Variants in POLR3A observed in about 807,000 individuals in gnomAD.
POLR3A encodes the protein RNA polymerase III subunit A.
In POLR3A, 112 loss-of-function variants were observed where a neutral mutation model predicts 152.8. That is an observed-to-expected ratio of 0.73 (90% CI 0.63 to 0.86). The LOEUF (loss-of-function observed/expected upper bound fraction) is 0.86, where lower values mean the gene tolerates loss of function less well. Ranked by LOEUF, POLR3A falls within the 40% of genes least tolerant of loss-of-function variation. POLR3A has a pLI of 0.00. For missense variants in POLR3A, 1,385 were observed against 1,743.1 expected (o/e 0.79, Z 3.66); for synonymous variants, 615 against 652.1 (o/e 0.94, Z 0.87).
chr10:77,987,475 A>G (rs1428282949), intron 21 of POLR3A, among the ~76,000 whole-genome samples: 1 of 152,056 alleles, frequency 6.6e-6, no homozygotes, highest in Non-Finnish European at 1.5e-5. Context: ...GGTGGCCGAG[A>G]AGCCTCATGA....
chr10:77,984,325 ACTAGCAC>A (rs1847177197), intron 24 of POLR3A, 27 bp from the exon 25 acceptor site: 1 of 1,383,118 alleles, frequency 7.2e-7, no homozygotes, highest in Admixed American at 1.7e-5. Flanking sequence ...GAAAAATGGC[ACTAGCAC>A]AAGGGAGGAG....
In POLR3A at chr10:77,985,992, G is replaced by A; in HGVS notation, c.2989-7C>T. The stretch of plus-strand genomic sequence containing the variant: ...GCTGGTACAGCACACGGGGCTGGGA[G>A]AATACAAGCCAAGCACAGAGTTAGG... On this transcript the variant is annotated splice_region_variant and splice_polypyrimidine_tract_variant and intron_variant, in intron 22 of 30. Coordinates refer to ENST00000372371, the MANE Select transcript of POLR3A (RefSeq NM_007055.4). 1 of 1,613,600 alleles carries A rather than the reference G, an allele frequency of 6.2e-7. No homozygotes were observed. Among genetic ancestry groups the A allele is most frequent in the Non-Finnish European group, 8.5e-7 (1 of 1,179,518 alleles).
At chr10:77,983,404 G>C (rs1401159305) in intron 26 of POLR3A, among the ~76,000 whole-genome samples, 1 of 152,210 alleles carries the variant, frequency 6.6e-6, no homozygotes, top group Non-Finnish European at 1.5e-5. Flanking sequence ...AGAAAGAAGA[G>C]GGTGTCGGGA....
chr10:77,985,695 C>T (rs557287851), intron 23 of POLR3A, among the ~76,000 whole-genome samples: 1 of 152,228 alleles, frequency 6.6e-6, no homozygotes, highest in African/African-American at 2.4e-5. Flanking sequence ...GGAGAAGACA[C>T]TAAGAAATTT....
intron 17 of POLR3A, among the ~76,000 whole-genome samples, chr10:78,001,557 TA>T (rs533219346): frequency 1.3e-5 from 2 of 151,386 alleles, no homozygotes; most frequent in Admixed American, 6.6e-5. Context: ...TTATCCTGTT[TA>T]AAAAAAAAGT....
chr10:78,015,346 G>T (rs1847512778), intron 10 of POLR3A, among the ~76,000 whole-genome samples: 1 of 151,782 alleles, frequency 6.6e-6, no homozygotes, highest in Non-Finnish European at 1.5e-5. Flanking sequence ...TTCTTTTTTT[G>T]AGACGGAGCT....
At position 78,025,043 on chromosome 10, in the gene POLR3A, G is replaced by A. The variant is rs267608678; in HGVS notation, c.418C>T (p.Arg140Ter). The stretch of plus-strand genomic sequence containing the variant: ...TCAGAGATTTTCTTTTTCAGTCCTC[G>A]CTTCTGAAGGTAGGTCAGGCCGGGC... ...KRPGLTYLQK[R>*]GLKKKISDKC... The change falls in exon 4 of 31, where the codon CGA (arginine) becomes TGA (stop). Residue 140 changes from arginine to a stop codon, truncating the protein, a stop_gained. Transcript: ENST00000372371. LOFTEE classifies it high-confidence loss of function. 5 of 1,613,964 alleles carry A rather than the reference G, an allele frequency of 3.1e-6. No homozygotes were observed. The highest frequency in any genetic ancestry group is 1.3e-5 in the African/African-American group (1 of 74,862).
In POLR3A at chr10:78,024,559, C is replaced by T; in HGVS notation, c.635G>A (p.Gly212Glu). The T allele has an allele frequency of 1.9e-6, 3 of 1,613,408 alleles. No individual in the cohort carries two copies. The part of the protein sequence containing the change: ...EHNKEVEPLL[G>E]RAQENLNPLV... Reference sequence around the variant, plus strand: ...CATTCTCAGGCTCACCTGTGCCCTTCCCAGCAGAGGCTCCACTTCTTTATT... The same window carrying T: ...CATTCTCAGGCTCACCTGTGCCCTTTCCAGCAGAGGCTCCACTTCTTTATT... The change falls in exon 5 of 31, where the codon GGA becomes GAA. Residue 212 changes from glycine (G) to glutamate (E), a missense_variant. By Grantham distance (98) the Gly-to-Glu change is moderately conservative. Coordinates refer to ENST00000372371, the MANE Select transcript of POLR3A (RefSeq NM_007055.4).
chr10:77,989,510 G>A (rs1287778559), intron 21 of POLR3A, among the ~76,000 whole-genome samples: 1 of 152,226 alleles, frequency 6.6e-6, no homozygotes, highest in African/African-American at 2.4e-5. Flanking sequence ...TGTGGACTGT[G>A]TGACATATGG....
At chr10:78,008,496 T>C (rs1332415220) in intron 14 of POLR3A, among the ~76,000 whole-genome samples, 1 of 152,022 alleles carries the variant, frequency 6.6e-6, no homozygotes, top group African/African-American at 2.4e-5. Flanking sequence ...CAGTACAGAG[T>C]CCTGGAGATC....
At chr10:77,998,155 A>C (rs1005950673) in intron 19 of POLR3A, among the ~76,000 whole-genome samples, 9 of 152,216 alleles carry the variant, frequency 5.9e-5, no homozygotes, top group African/African-American at 2.2e-4. Flanking sequence ...AATTAATTCA[A>C]GATGGATTAA....
rs1847374683 is a variant in POLR3A, at chr10:78,003,283, A to T, written c.2248-975T>A. ...GTAAGATTAAGAATGAGCTAATGGT[A>T]AATACCTCACAAAATTCTGGTTTCT... On this transcript the variant is annotated intron_variant, in intron 16 of 30. Coordinates refer to ENST00000372371, the MANE Select transcript of POLR3A (RefSeq NM_007055.4). Among the ~76,000 whole-genome samples the T allele has an allele frequency of 5.3e-5, 8 of 152,350 alleles. No individual in the cohort carries two copies. In the South Asian group the frequency reaches 1.7e-3, roughly 32 times the overall value.
chr10:77,996,549 C>T (rs1170166354), intron 19 of POLR3A, among the ~76,000 whole-genome samples: 1 of 152,146 alleles, frequency 6.6e-6, no homozygotes, highest in Non-Finnish European at 1.5e-5. Context: ...TGCAAATAAA[C>T]TAGAAAATCT....
intron 19 of POLR3A, among the ~76,000 whole-genome samples, chr10:77,998,668 T>C (rs1847326318): frequency 6.6e-6 from 1 of 152,146 alleles, no homozygotes; most frequent in South Asian, 2.1e-4. Context: ...CTGGAGAGGA[T>C]GTGGAGAAAT....
intron 20 of POLR3A, among the ~76,000 whole-genome samples, chr10:77,992,947 C>T (rs1847263733): frequency 6.6e-6 from 1 of 151,804 alleles, no homozygotes; most frequent in African/African-American, 2.4e-5. Flanking sequence ...AACTCCTGGC[C>T]TCAAGTGATC....
In POLR3A at chr10:77,991,167, C is replaced by T. The variant is rs769265205; in HGVS notation, c.2788G>A (p.Ala930Thr). The T allele has an allele frequency of 1.3e-6, 2 of 1,591,356 alleles. No individual in the cohort carries two copies. Among genetic ancestry groups the T allele is most frequent in the Non-Finnish European group, 1.7e-6 (2 of 1,159,280 alleles). Residue 930 changes from alanine (A) to threonine (T), a missense_variant and splice_region_variant, in exon 21 of 31, where the codon GCA becomes ACA. This residue lies in a region of POLR3A where 178 missense variants were observed against 204.6 expected (regional missense o/e 0.87). Transcript: ENST00000372371. ...EFKRVLDNIK[A>T]VFPCPSEPAL... ...GGCTCACTGGGACACGGGAAGACTG[C>T]CTTGAGTATTAAAAGAAAATTGCAT...
At chr10:78,022,486 G>A in intron 5 of POLR3A, 102 bp from the exon 6 acceptor site, 1 of 1,195,098 alleles carries the variant, frequency 8.4e-7, no homozygotes, top group Non-Finnish European at 1.2e-6. Context: ...CTGTCACTAA[G>A]GATAAGTGAC....
Position 77,993,296 on chromosome 10 carries a change from A to G in POLR3A, c.2688T>C (p.Asp896=), listed in dbSNP as rs749204070. 3.7e-6 allele frequency: 6 copies of G among 1,610,906 alleles called. No homozygotes were observed. Among genetic ancestry groups the G allele is most frequent in the African/African-American group, 1.3e-5 (1 of 74,984 alleles). Residue 896 remains aspartate (D), a synonymous_variant, in exon 20 of 31, where the codon GAT becomes GAC. Coordinates refer to ENST00000372371, the MANE Select transcript of POLR3A (RefSeq NM_007055.4). ...YDLTVRSSTG[D]IIQFIYGGDG... is the part of the protein sequence containing the mutation. Reference sequence around the variant, plus strand: ...CTCCTCCATAAATGAACTGGATAATATCGCCAGTAGAGCTTCGGACTGTCA... The same window carrying G: ...CTCCTCCATAAATGAACTGGATAATGTCGCCAGTAGAGCTTCGGACTGTCA...
chr10:78,017,872 C>T (rs1297029024), intron 9 of POLR3A, among the ~76,000 whole-genome samples, 156 bp from the exon 10 acceptor site: 1 of 152,086 alleles, frequency 6.6e-6, no homozygotes, highest in East Asian at 1.9e-4. Context: ...AAGAAAAAAG[C>T]TCCCTATTAA....
Sources: gnomAD v4.1 joint callset for allele counts (sites outside exome capture counted in the v4.1 genomes callset) on GRCh38, gnomAD v4.1.1 for gene constraint, gnomAD v4.1.1 regional missense constraint, MANE v1.5 for transcripts, NCBI Gene and HGNC (gene_info 2026-07-23, HGNC 2026-07-21) for gene names.